Variants in C9orf50 observed in about 807,000 individuals in gnomAD.
C9orf50 encodes the protein chromosome 9 open reading frame 50, also known as uncharacterized protein C9orf50.
A neutral mutation model predicts 42.5 loss-of-function variants in C9orf50; 33 were observed. The observed-to-expected ratio is 0.78, with a 90% CI of 0.59 to 1.04. C9orf50 has a LOEUF of 1.04. Ranked by LOEUF, C9orf50 falls within the 50% of genes least tolerant of loss-of-function variation. C9orf50 has a pLI of 0.00. For missense variants in C9orf50, 547 were observed against 594.3 expected, an observed-to-expected ratio of 0.92 and a Z score of 0.83; for synonymous variants, 257 against 273.4, an observed-to-expected ratio of 0.94 and a Z score of 0.59.
At chr9:129,616,674 A>G (rs909936664) in intron 3 of C9orf50, among the ~76,000 whole-genome samples, 3 of 152,196 alleles carry the variant, frequency 2.0e-5, no homozygotes, top group Non-Finnish European at 2.9e-5. Flanking sequence ...GTGAGTATCA[A>G]ATGATTTACA....
At chr9:129,615,376 G>T in intron 4 of C9orf50, 108 bp downstream of exon 4, 1 of 1,185,006 alleles carries the variant, frequency 8.4e-7, no homozygotes, top group Non-Finnish European at 1.1e-6. Flanking sequence ...CTGATCTCTT[G>T]GCCTTTGCAA....
chr9:129,620,557 A>G lies in C9orf50; in HGVS notation c.18T>C (p.Leu6=). 7.2e-7 allele frequency: 1 copy of G among 1,388,344 alleles called. No individual in the cohort carries two copies. Among genetic ancestry groups the G allele is most frequent in the Admixed American group, 2.7e-5 (1 of 36,384 alleles). 86.0% of individuals were successfully genotyped at this position (1,388,344 alleles called of 1,614,324 possible). A position where few individuals can be genotyped will look rare whatever the true frequency, so the allele number is the denominator to read the frequency against. ...GCGCCAGGTCCTGGGCCCCTGGGCG[A>G]AGTCGACGCCAGAACATGCTTGGCC... Residue 6 remains leucine (L), a synonymous_variant, in exon 1 of 7, where the codon CTT becomes CTC. Transcript: ENST00000372478. The surrounding 1 kb of genome is among the most constrained non-coding windows in gnomAD (Gnocchi z 5.8).
At chr9:129,615,988 G>A (rs16931336) in intron 3 of C9orf50, among the ~76,000 whole-genome samples, 27,961 of 152,108 alleles carry the variant, frequency 0.18, 2,991 homozygotes, top group East Asian at 0.3. Flanking sequence ...CAGAGCTGGC[G>A]CCCTCGCACG....
intron 6 of C9orf50, among the ~76,000 whole-genome samples, chr9:129,612,861 G>A (rs948451731): frequency 1.3e-4 from 20 of 152,122 alleles, no homozygotes; most frequent in Admixed American, 1.0e-3. Flanking sequence ...GGGAGGGGAG[G>A]GGAGATGCAG....
rs1830330392 is a variant in C9orf50, at chr9:129,615,546, AC to A, written c.817del (p.Val273CysfsTer28). On this transcript the variant is annotated frameshift_variant, in exon 4 of 7. Coordinates refer to ENST00000372478, the Ensembl canonical transcript of C9orf50. LOFTEE classifies it high-confidence loss of function. ...CTGCAGGGTCTCGTCAGCGAATCGC[AC>A]CCGGAAAGGGCAACGCTGCCTGCAG... 1 of 1,610,582 alleles carries A rather than the reference AC, an allele frequency of 6.2e-7. No homozygotes were observed. The highest frequency in any genetic ancestry group is 1.1e-5 in the South Asian group (1 of 90,790).
chr9:129,616,436 G>A (rs772664238), intron 3 of C9orf50, among the ~76,000 whole-genome samples: 1 of 152,090 alleles, frequency 6.6e-6, no homozygotes, highest in South Asian at 2.1e-4. Context: ...GGGTGGTCCC[G>A]AACGCCTGAC....
chr9:129,621,643 C>G (rs569731418), upstream of C9orf50, among the ~76,000 whole-genome samples: 1 of 152,352 alleles, frequency 6.6e-6, no homozygotes, highest in South Asian at 2.1e-4. Context: ...GCTGGGATCA[C>G]AGGCGTGAGT....
rs759574244 is a variant in C9orf50, at chr9:129,619,736, T to C, written c.599+4A>G. 35 of 1,613,702 alleles carry C rather than the reference T, an allele frequency of 2.2e-5. No homozygotes were observed. Among genetic ancestry groups the C allele is most frequent in the Non-Finnish European group, 2.9e-5 (34 of 1,179,936 alleles). ...TCCCCACCAAGAAGCGGACTGACGC[T>C]TACCACAGGTCTGGGAGGAATGAAC... On this transcript the variant is annotated splice_donor_region_variant and intron_variant, in intron 2 of 6. Transcript: ENST00000372478.
In C9orf50 at chr9:129,613,147, C is replaced by T; in HGVS notation, c.1148G>A (p.Ser383Asn). The T allele has an allele frequency of 6.2e-7, 1 of 1,613,888 alleles. No homozygotes were observed. Among genetic ancestry groups the T allele is most frequent in the Non-Finnish European group, 8.5e-7 (1 of 1,180,010 alleles). The change falls in exon 6 of 7, where the codon AGC becomes AAC. Residue 383 changes from serine to asparagine, a missense_variant. This residue lies in a region of C9orf50 where 334 missense variants were observed against 323.7 expected (regional missense o/e 1.03). Transcript: ENST00000372478. This position sits in a 1 kb window ranked among gnomAD's most constrained non-coding sequence, Gnocchi z 6.2. Reference sequence around the variant, plus strand: ...GTGCGGGTCCAAGAAGGCTCGGAGGCTGCTTCGCGGCCTCTGAGCAGCGGC... The same window carrying T: ...GTGCGGGTCCAAGAAGGCTCGGAGGTTGCTTCGCGGCCTCTGAGCAGCGGC...
intron 3 of C9orf50, among the ~76,000 whole-genome samples, chr9:129,618,957 G>A (rs914865789): frequency 3.4e-5 from 5 of 149,066 alleles, no homozygotes; most frequent in Admixed American, 2.0e-4. Context: ...CTCGTGATCC[G>A]CCCACCTCAG....
In C9orf50 at chr9:129,613,101, G is replaced by T. The variant is rs1830167105; in HGVS notation, c.1188+6C>A. 1 of 1,613,720 alleles carries T rather than the reference G, an allele frequency of 6.2e-7. No individual in the cohort carries two copies. The highest frequency in any genetic ancestry group is 1.3e-5 in the African/African-American group (1 of 75,042). Reference sequence around the variant, plus strand: ...TCTAGGTCCAGGAGCAAGACCATTTGCCCACCTGCTCCAGGTTTCTGTGCG... The same window carrying T: ...TCTAGGTCCAGGAGCAAGACCATTTTCCCACCTGCTCCAGGTTTCTGTGCG... On this transcript the variant is annotated splice_donor_region_variant and intron_variant, in intron 6 of 6. Transcript: ENST00000372478. The surrounding 1 kb of genome is among the most constrained non-coding windows in gnomAD (Gnocchi z 6.2).
rs1356154235 is a variant in C9orf50 at position 129,613,907 on chromosome 9, A to G, written c.881-310T>C. Among the ~76,000 whole-genome samples, 5 of 152,238 alleles carry G rather than the reference A, an allele frequency of 3.3e-5. No individual in the cohort carries two copies. In the South Asian group the frequency reaches 6.2e-4, roughly 19 times the overall value. On this transcript the variant is annotated intron_variant, in intron 4 of 6. Coordinates refer to ENST00000372478, the Ensembl canonical transcript of C9orf50. The surrounding 1 kb of genome is among the most constrained non-coding windows in gnomAD (Gnocchi z 6.2). ...TAGAAATCCCAGAAACCATGCTGAG[A>G]GCGTTGAGGGCTTCAGGGAGGGCTG...
At chr9:129,619,919 C>G (rs1830591685) in intron 1 of C9orf50, 89 bp from the exon 2 acceptor site, 1 of 1,525,744 alleles carries the variant, frequency 6.6e-7, no homozygotes, top group Non-Finnish European at 9.1e-7. Flanking sequence ...GACCAGCCCT[C>G]AAGGACGGGT....
At position 129,620,446 on chromosome 9, in the gene C9orf50, A is replaced by G. The variant is rs775470732; in HGVS notation, c.129T>C (p.Ala43=). ...AGTCCCCGGAGCCCCGCGCGCCCAG[A>G]GCCGCTCGGAGCGCGGGCGGGGTCA... is the stretch of plus-strand genomic sequence containing the variant. The change falls in exon 1 of 7, where the codon GCT becomes GCC. Residue 43 remains alanine, a synonymous_variant. Coordinates refer to ENST00000372478, the Ensembl canonical transcript of C9orf50. This position sits in a 1 kb window ranked among gnomAD's most constrained non-coding sequence, Gnocchi z 5.8. The G allele has an allele frequency of 2.3e-6, 3 of 1,308,814 alleles. No homozygotes were observed. The Admixed American group carries it at 1.1e-4, about 49-fold the overall frequency. The allele number at this position is 1,308,814 out of a possible 1,614,324, so 81.1% of individuals were successfully genotyped here.
In C9orf50 at chr9:129,620,192, C is replaced by CG; in HGVS notation, c.382dup (p.Arg128ProfsTer26). On this transcript the variant is annotated frameshift_variant, in exon 1 of 7. Transcript: ENST00000372478. LOFTEE classifies it high-confidence loss of function. This position sits in a 1 kb window ranked among gnomAD's most constrained non-coding sequence, Gnocchi z 5.8. Reference sequence around the variant, plus strand: ...GGGGTCCTCCCTGGCCACGCGCCTCCGGGGGCGCTCGCGCTCTCCAGGCCC... The same window carrying CG: ...GGGGTCCTCCCTGGCCACGCGCCTCCGGGGGGCGCTCGCGCTCTCCAGGCCC... 2.1e-6 allele frequency: 3 copies of CG among 1,447,842 alleles called. No homozygotes were observed. Among genetic ancestry groups the CG allele is most frequent in the South Asian group, 1.5e-5 (1 of 68,914 alleles). 89.7% of individuals were successfully genotyped at this position (1,447,842 alleles called of 1,614,324 possible). A position where few individuals can be genotyped will look rare whatever the true frequency, so the allele number is the denominator to read the frequency against.
rs1830604188 is a variant in C9orf50, at chr9:129,620,079, G to C, written c.496C>G (p.Pro166Ala). ...CGCGGGGCCTCACTCAGTGGCTCCG[G>C]CTCCTCGGCGCACTTCTCCTGGAGC... The change falls in exon 1 of 7, where the codon CCG (proline) becomes GCG (alanine). Residue 166 changes from proline (P) to alanine (A), a missense_variant. Physicochemically the swap from Pro to Ala is conservative, Grantham distance 27. This residue lies in a region of C9orf50 where 108 missense variants were observed against 172.1 expected (regional missense o/e 0.63). Coordinates refer to ENST00000372478, the Ensembl canonical transcript of C9orf50. The surrounding 1 kb of genome is among the most constrained non-coding windows in gnomAD (Gnocchi z 5.8). The C allele has an allele frequency of 6.9e-7, 1 of 1,450,588 alleles. No homozygotes were observed. Among genetic ancestry groups the C allele is most frequent in the African/African-American group, 1.4e-5 (1 of 69,202 alleles). The allele number at this position is 1,450,588 out of a possible 1,614,324, so 89.9% of individuals were successfully genotyped here.
intron 3 of C9orf50, among the ~76,000 whole-genome samples, chr9:129,617,131 AT>A (rs1474545650): frequency 6.6e-6 from 1 of 152,182 alleles, no homozygotes; most frequent in Non-Finnish European, 1.5e-5. Flanking sequence ...TGACCCACCT[AT>A]AACTCTGTTA....
At position 129,613,634 on chromosome 9, in the gene C9orf50, G is replaced by A; in HGVS notation, c.881-37C>T. 1 of 1,612,432 alleles carries A rather than the reference G, an allele frequency of 6.2e-7. No individual in the cohort carries two copies. The highest frequency in any genetic ancestry group is 8.5e-7 in the Non-Finnish European group (1 of 1,179,132). On this transcript the variant is annotated intron_variant, in intron 4 of 6. Transcript: ENST00000372478. This position sits in a 1 kb window ranked among gnomAD's most constrained non-coding sequence, Gnocchi z 6.2. ...AGGGCAGGGTGAGATCTCTGCCCAG[G>A]AGGAGGGCACTGGTGCCCCCACCCT...
rs988430582 is a variant in C9orf50 at position 129,620,313 on chromosome 9, G to T, written c.262C>A (p.Arg88=). ...AGCCCCCGCTTCCGCACGGCCCGCC[G>T]GGTCGCGGTGAGCAAGGCGGGCAGG... The change falls in exon 1 of 7, where the codon CGG becomes AGG. Residue 88 remains arginine, a synonymous_variant. Coordinates refer to ENST00000372478, the Ensembl canonical transcript of C9orf50. The surrounding 1 kb of genome is among the most constrained non-coding windows in gnomAD (Gnocchi z 5.8). 4.0e-6 allele frequency: 5 copies of T among 1,242,780 alleles called. No homozygotes were observed. Among genetic ancestry groups the T allele is most frequent in the Non-Finnish European group, 5.0e-6 (5 of 991,412 alleles). The allele number at this position is 1,242,780 out of a possible 1,614,324, so 77.0% of individuals were successfully genotyped here. A position where few individuals can be genotyped will look rare whatever the true frequency, so the allele number is the denominator to read the frequency against.
Sources: gnomAD v4.1 joint callset for allele counts (sites outside exome capture counted in the v4.1 genomes callset) on GRCh38, gnomAD v4.1.1 for gene constraint, gnomAD v4.1.1 regional missense constraint, Gnocchi (gnomAD v3.1) non-coding constraint, MANE v1.5 for transcripts, NCBI Gene and HGNC (gene_info 2026-07-23, HGNC 2026-07-21) for gene names.